Variants in IMPG1 observed in about 807,000 individuals in gnomAD.
IMPG1 encodes the protein interphotoreceptor matrix proteoglycan 1.
A neutral mutation model predicts 92.0 loss-of-function variants in IMPG1; 85 were observed. The observed-to-expected ratio is 0.92, with a 90% CI of 0.78 to 1.11. The LOEUF (loss-of-function observed/expected upper bound fraction) is 1.11, where lower values mean the gene tolerates loss of function less well. Ranked by LOEUF, IMPG1 falls within the 50% of genes least tolerant of loss-of-function variation. The pLI, the probability that IMPG1 is intolerant of heterozygous loss-of-function variation, is 0.00. For missense variants in IMPG1, 1,022 were observed against 956.0 expected (o/e 1.07, Z -0.91); for synonymous variants, 367 against 334.1 (o/e 1.10, Z -1.08).
rs1032380852 is a variant in IMPG1, at chr6:76,056,491, C to A, written c.68-14365G>T. ...TGGCTCTTGTGAATAATGCTGTAAT[C>A]AGCATGGAAGCACAGATATCTATGG... is the stretch of plus-strand genomic sequence containing the variant. On this transcript the variant is annotated intron_variant, in intron 1 of 16. Transcript: ENST00000369950. Among the ~76,000 whole-genome samples the A allele has an allele frequency of 2.0e-5, 3 of 151,752 alleles. No individual in the cohort carries two copies. The South Asian group carries it at 6.2e-4, about 31-fold the overall frequency.
intron 8 of IMPG1, 101 bp from the exon 9 acceptor site, chr6:76,007,601 AT>A (rs1196369842): frequency 5.2e-6 from 4 of 771,772 alleles, no homozygotes; most frequent in African/African-American, 1.8e-5. Flanking sequence ...AAAGAAAAAA[AT>A]ATTTCTTTCC....
At chr6:76,055,983 T>C (rs949656124) in intron 1 of IMPG1, among the ~76,000 whole-genome samples, 1 of 152,006 alleles carries the variant, frequency 6.6e-6, no homozygotes, top group African/African-American at 2.4e-5. Flanking sequence ...TCAAGCAAAA[T>C]GTAATTCCAT....
At chr6:75,939,448 G>A (rs1407723964) in intron 14 of IMPG1, among the ~76,000 whole-genome samples, 1 of 152,134 alleles carries the variant, frequency 6.6e-6, no homozygotes, top group Non-Finnish European at 1.5e-5. Flanking sequence ...AGAATATGTG[G>A]TGTTTGGTTT....
intron 12 of IMPG1, among the ~76,000 whole-genome samples, chr6:75,989,419 C>G (rs1048955874): frequency 2.6e-5 from 4 of 152,298 alleles, no homozygotes; most frequent in African/African-American, 9.6e-5. Context: ...AAGAATGTCC[C>G]AGATATAAAG....
At chr6:75,922,283 T>G (rs1312554750) in intron 16 of IMPG1, 117 bp from the exon 17 acceptor site, 1 of 581,806 alleles carries the variant, frequency 1.7e-6, no homozygotes, top group Admixed American at 3.1e-5. Flanking sequence ...TTATGACATC[T>G]TCTTTGAAAT....
rs552046546 is a variant in IMPG1, at chr6:75,932,525, C to T, written c.2045-1374G>A. On this transcript the variant is annotated intron_variant, in intron 14 of 16. Transcript: ENST00000369950. ...TGGGCTGATTCTGGGGAGACAGAGC[C>T]ATGGAAGGGATAGAAAAGATTGGCT... is the stretch of plus-strand genomic sequence containing the variant. 2.0e-4 allele frequency among the ~76,000 whole-genome samples: 30 copies of T among 152,132 alleles called. 1 individual carries two copies. The East Asian group carries it at 5.8e-3, about 29-fold the overall frequency.
At position 76,042,050 on chromosome 6, in the gene IMPG1, A is replaced by G; in HGVS notation, c.144T>C (p.Thr48=). 6.2e-7 allele frequency: 1 copy of G among 1,612,054 alleles called. No homozygotes were observed. Among genetic ancestry groups the G allele is most frequent in the Non-Finnish European group, 8.5e-7 (1 of 1,178,184 alleles). ...NPPRNETTES[T]EKMYKMSTMR... Reference sequence around the variant, plus strand: ...TAGTTGACATTTTGTACATTTTTTCAGTACTTTCAGTTGTTTCATTTCTTG... The same window carrying G: ...TAGTTGACATTTTGTACATTTTTTCGGTACTTTCAGTTGTTTCATTTCTTG... The change falls in exon 2 of 17, where the codon ACT becomes ACC. Residue 48 remains threonine (T), a synonymous_variant. Transcript: ENST00000369950.
intron 12 of IMPG1, among the ~76,000 whole-genome samples, chr6:75,993,039 G>A (rs1256773218): frequency 6.6e-6 from 1 of 151,200 alleles, no homozygotes; most frequent in Non-Finnish European, 1.5e-5. Flanking sequence ...TTGAATAAAG[G>A]AAATAGATGG....
At chr6:75,956,559 A>AT (rs1167379399) in intron 12 of IMPG1, among the ~76,000 whole-genome samples, 2 of 152,056 alleles carry the variant, frequency 1.3e-5, no homozygotes, top group Non-Finnish European at 1.5e-5. Flanking sequence ...GTATTCATTG[A>AT]TTTTTTGAAG....
intron 12 of IMPG1, among the ~76,000 whole-genome samples, chr6:75,981,112 A>G (rs1382182303): frequency 6.6e-6 from 1 of 152,186 alleles, no homozygotes; most frequent in Non-Finnish European, 1.5e-5. Flanking sequence ...AGGATATACT[A>G]CAGCATTTTT....
At chr6:75,948,997 T>C (rs1781980232) in intron 13 of IMPG1, among the ~76,000 whole-genome samples, 1 of 152,204 alleles carries the variant, frequency 6.6e-6, no homozygotes. Context: ...GGTCCCTGAA[T>C]GGCATCATAG....
chr6:76,064,552 A>T (rs1202801253), intron 1 of IMPG1, among the ~76,000 whole-genome samples: 2 of 151,964 alleles, frequency 1.3e-5, no homozygotes, highest in South Asian at 2.1e-4. Flanking sequence ...AGACCTCAGC[A>T]CATTTCACCG....
intron 1 of IMPG1, among the ~76,000 whole-genome samples, chr6:76,065,437 C>A (rs926965090): frequency 6.6e-6 from 1 of 151,982 alleles, no homozygotes; most frequent in South Asian, 2.1e-4. Context: ...GAAGGAATTA[C>A]AAAATGCTGT....
chr6:76,046,561 A>G (rs954837794), intron 1 of IMPG1, among the ~76,000 whole-genome samples: 3 of 152,190 alleles, frequency 2.0e-5, no homozygotes, highest in African/African-American at 4.8e-5. Context: ...AAATCATATA[A>G]TGTCACTCAA....
At chr6:75,945,725 G>A (rs1455376840) in intron 14 of IMPG1, among the ~76,000 whole-genome samples, 1 of 152,154 alleles carries the variant, frequency 6.6e-6, no homozygotes, top group Non-Finnish European at 1.5e-5. Flanking sequence ...TAGGGCTGGG[G>A]ATCCCCAAGA....
chr6:75,958,224 CTT>C, intron 12 of IMPG1, among the ~76,000 whole-genome samples: 1 of 152,224 alleles, frequency 6.6e-6, no homozygotes, highest in Non-Finnish European at 1.5e-5. Context: ...TCCCCACTCT[CTT>C]CTGGCTTGTA....
intron 7 of IMPG1, among the ~76,000 whole-genome samples, chr6:76,018,304 G>A (rs1193201334): frequency 6.6e-6 from 1 of 152,218 alleles, no homozygotes; most frequent in Non-Finnish European, 1.5e-5. Context: ...TTATGTGAAT[G>A]TGGTCTCTCT....
intron 4 of IMPG1, among the ~76,000 whole-genome samples, chr6:76,026,709 GT>G (rs898004586): frequency 3.6e-4 from 55 of 151,574 alleles, no homozygotes; most frequent in African/African-American, 9.7e-4. Context: ...ATTTTTAAAT[GT>G]TTTTTTTTCT....
chr6:75,946,705 A>T (rs1431079861), intron 14 of IMPG1, among the ~76,000 whole-genome samples: 1 of 151,982 alleles, frequency 6.6e-6, no homozygotes, highest in East Asian at 1.9e-4. Context: ...TCCTTGTCTA[A>T]CTCTTTGCTT....
Sources: gnomAD v4.1 joint callset for allele counts (sites outside exome capture counted in the v4.1 genomes callset) on GRCh38, gnomAD v4.1.1 for gene constraint, MANE v1.5 for transcripts, NCBI Gene and HGNC (gene_info 2026-07-23, HGNC 2026-07-21) for gene names.